Variants in CEP85L observed in about 807,000 individuals in gnomAD.
CEP85L encodes centrosomal protein of 85 kDa-like.
CEP85L carries 60 observed loss-of-function variants against 100.3 expected under a neutral mutation model. The observed-to-expected ratio is 0.60, with a 90% CI of 0.49 to 0.74. The LOEUF is 0.74. Among genes scored for constraint, CEP85L ranks in the 30% least tolerant of loss-of-function variants. The pLI is 0.00. For missense variants in CEP85L, 973 were observed against 936.2 expected (o/e 1.04, Z -0.51); for synonymous variants, 319 against 322.7 (o/e 0.99, Z 0.12).
At chr6:118,524,471 A>G (rs976601238) in intron 3 of CEP85L, among the ~76,000 whole-genome samples, 1 of 152,092 alleles carries the variant, frequency 6.6e-6, no homozygotes, top group Non-Finnish European at 1.5e-5. Flanking sequence ...ACAAAACCAT[A>G]TAAGATCTTA....
chr6:118,518,790 T>C (rs942876485), intron 4 of CEP85L, among the ~76,000 whole-genome samples: 1 of 152,218 alleles, frequency 6.6e-6, no homozygotes, highest in Non-Finnish European at 1.5e-5. Flanking sequence ...ATTTGTTCGC[T>C]CTTGCCTCTC....
In CEP85L at chr6:118,558,882, C is replaced by T. The variant is rs774271388; in HGVS notation, c.1020+6647G>A. 7.7e-6 allele frequency: 12 copies of T among 1,552,310 alleles called. No homozygotes were observed. Among genetic ancestry groups the T allele is most frequent in the Admixed American group, 3.3e-5 (2 of 59,798 alleles). ...GGCTGCCAGCTTTTTATCTTTCTCT[C>T]GACCACTTAAAACTTCAGACTTCCT... On this transcript the variant is annotated intron_variant, in intron 3 of 12. Coordinates refer to ENST00000368491, the MANE Select transcript of CEP85L (RefSeq NM_001042475.3).
intron 1 of CEP85L, among the ~76,000 whole-genome samples, chr6:118,683,563 C>A (rs1443645654): frequency 2.0e-5 from 3 of 152,176 alleles, no homozygotes; most frequent in Non-Finnish European, 4.4e-5. Context: ...CATCCTAGTG[C>A]ATTCGCAGTG....
At position 118,465,832 on chromosome 6, in the gene CEP85L, C is replaced by T. The variant is rs73524109; in HGVS notation, c.2255-264G>A. ...AGCATGTTTAATGGGTAACAATATT[C>T]CAAAAGTGAAAAAAAGCATACTCTA... On this transcript the variant is annotated intron_variant, in intron 12 of 12. Coordinates refer to ENST00000368491, the MANE Select transcript of CEP85L (RefSeq NM_001042475.3). 5.5e-3 allele frequency among the ~76,000 whole-genome samples: 840 copies of T among 152,194 alleles called. 8 individuals are homozygous for T. The highest frequency in any genetic ancestry group is 0.019 in the African/African-American group (799 of 41,532).
intron 3 of CEP85L, among the ~76,000 whole-genome samples, chr6:118,553,604 A>G (rs1194130109): frequency 1.3e-5 from 2 of 152,232 alleles, no homozygotes; most frequent in Non-Finnish European, 2.9e-5. Context: ...ATTATGGCAT[A>G]TTTCTAAATC....
chr6:118,679,345 A>G (rs1316714362), intron 1 of CEP85L, among the ~76,000 whole-genome samples: 1 of 152,212 alleles, frequency 6.6e-6, no homozygotes, highest in African/African-American at 2.4e-5. Flanking sequence ...TATGTGATTA[A>G]AGGTTAGGCT....
At chr6:118,483,105 G>A (rs1773909576) in intron 7 of CEP85L, among the ~76,000 whole-genome samples, 1 of 152,048 alleles carries the variant, frequency 6.6e-6, no homozygotes, top group South Asian at 2.1e-4. Context: ...ATAGTGCCGA[G>A]GTCAAGAATC....
intron 2 of CEP85L, among the ~76,000 whole-genome samples, chr6:118,577,029 T>C (rs952986823): frequency 6.6e-6 from 1 of 152,134 alleles, no homozygotes; most frequent in Non-Finnish European, 1.5e-5. Context: ...TCCCACAGCC[T>C]GGGGCAGTAA....
At chr6:118,701,352 AG>A (rs1777399116) in intron 1 of CEP85L, among the ~76,000 whole-genome samples, 1 of 152,246 alleles carries the variant, frequency 6.6e-6, no homozygotes. Context: ...TATTCACAAT[AG>A]CAAAGACATG....
chr6:118,544,366 T>C (rs574852429), intron 3 of CEP85L, among the ~76,000 whole-genome samples: 1 of 152,344 alleles, frequency 6.6e-6, no homozygotes, highest in African/African-American at 2.4e-5. Flanking sequence ...TTAGAAGTCA[T>C]ACTGCTTATT....
chr6:118,651,528 T>C lies in CEP85L; in HGVS notation c.-259A>G, dbSNP rs1420470100. ...GAAGCGGCGACTCGGCGGTGACGGC[T>C]GCTAGATCCCCGGCTGAGCCCAGGC... On this transcript the variant is annotated 5_prime_UTR_variant, in exon 1 of 13. Coordinates refer to ENST00000368491, the MANE Select transcript of CEP85L (RefSeq NM_001042475.3). 5.5e-6 allele frequency: 7 copies of C among 1,269,436 alleles called. No homozygotes were observed. Among genetic ancestry groups the C allele is most frequent in the Non-Finnish European group, 6.0e-6 (6 of 1,008,160 alleles). The allele number at this position is 1,269,436 out of a possible 1,614,324, so 78.6% of individuals were successfully genotyped here.
At chr6:118,492,885 G>T (rs923962533) in intron 5 of CEP85L, among the ~76,000 whole-genome samples, 9 of 152,094 alleles carry the variant, frequency 5.9e-5, no homozygotes, top group Admixed American at 2.6e-4. Flanking sequence ...TTGAAGAACT[G>T]ATACTTTCCC....
intron 1 of CEP85L, among the ~76,000 whole-genome samples, chr6:118,686,573 T>C (rs188264887): frequency 6.6e-6 from 1 of 152,336 alleles, no homozygotes; most frequent in African/African-American, 2.4e-5. Flanking sequence ...AATGGCTTTC[T>C]ATTCTGCTTG....
intron 2 of CEP85L, among the ~76,000 whole-genome samples, chr6:118,601,785 G>A (rs1280756311): frequency 6.6e-6 from 1 of 152,184 alleles, no homozygotes; most frequent in Non-Finnish European, 1.5e-5. Context: ...AAACTGTCAT[G>A]ACGCTGGTGG....
chr6:118,553,171 C>T (rs1266000830), intron 3 of CEP85L, among the ~76,000 whole-genome samples: 1 of 149,486 alleles, frequency 6.7e-6, no homozygotes, highest in African/African-American at 2.5e-5. Flanking sequence ...TGTATGCTTT[C>T]CATCGAAAAA....
At chr6:118,624,166 A>G (rs1490161339) in intron 2 of CEP85L, among the ~76,000 whole-genome samples, 2 of 152,206 alleles carry the variant, frequency 1.3e-5, no homozygotes, top group Non-Finnish European at 2.9e-5. Context: ...AGTTAATCCT[A>G]AAGAAGAAAA....
At chr6:118,557,049 GATA>G (rs1259358802) in intron 3 of CEP85L, among the ~76,000 whole-genome samples, 2 of 152,134 alleles carry the variant, frequency 1.3e-5, no homozygotes, top group East Asian at 3.8e-4. Flanking sequence ...GTGGTAGTGA[GATA>G]ATAATAATTA....
At chr6:118,609,754 G>C (rs1772484245) in intron 2 of CEP85L, among the ~76,000 whole-genome samples, 1 of 151,572 alleles carries the variant, frequency 6.6e-6, no homozygotes, top group Non-Finnish European at 1.5e-5. Flanking sequence ...GAAATACCAG[G>C]TACAAAACCA....
chr6:118,527,007 T>C (rs972355501), intron 3 of CEP85L, among the ~76,000 whole-genome samples: 11 of 98,436 alleles, frequency 1.1e-4, no homozygotes, highest in Middle Eastern at 5.3e-3. Context: ...TTTTTCTTTT[T>C]TTTTTTTTTT....
Sources: allele counts gnomAD v4.1 joint callset (sites outside exome capture counted in the v4.1 genomes callset), GRCh38; gene constraint gnomAD v4.1.1; transcripts MANE v1.5; gene names NCBI Gene and HGNC (gene_info 2026-07-23, HGNC 2026-07-21).